The following CTNNA3 variants were observed in gnomAD, a reference collection of about 807,000 sequenced individuals.
CTNNA3 encodes the protein catenin alpha 3, also known as catenin alpha-3.
CTNNA3 carries 76 observed loss-of-function variants against 95.7 expected under a neutral mutation model. The ratio of observed to expected loss-of-function variants is 0.79; its 90% CI spans 0.66 to 0.96. CTNNA3 has a LOEUF of 0.96. Among genes scored for constraint, CTNNA3 ranks in the 40% least tolerant of loss-of-function variants. The probability of loss-of-function intolerance (pLI) is 0.00; values close to 1 mark genes in which losing one functional copy is unlikely to be tolerated. For missense variants in CTNNA3, 1,191 were observed against 1,089.8 expected (o/e 1.09, Z -1.31); for synonymous variants, 431 against 374.4 (o/e 1.15, Z -1.74).
At chr10:66,109,450 G>A (rs370088567) in intron 13 of CTNNA3, among the ~76,000 whole-genome samples, 3 of 152,110 alleles carry the variant, frequency 2.0e-5, no homozygotes, top group East Asian at 3.9e-4. Flanking sequence ...ACCCTCTCAA[G>A]TCATGAGATA....
At chr10:66,414,065 C>G (rs1241832719) in intron 11 of CTNNA3, among the ~76,000 whole-genome samples, 1 of 152,000 alleles carries the variant, frequency 6.6e-6, no homozygotes, top group African/African-American at 2.4e-5. Flanking sequence ...TTTTATTCTC[C>G]TAAATTTATT....
At chr10:66,100,703 A>G (rs1333253870) in intron 14 of CTNNA3, among the ~76,000 whole-genome samples, 1 of 152,198 alleles carries the variant, frequency 6.6e-6, no homozygotes, top group East Asian at 1.9e-4. Flanking sequence ...GTAACCTATA[A>G]TGGGCAGCCA....
At chr10:66,015,142 CT>C (rs925107432) in intron 15 of CTNNA3, among the ~76,000 whole-genome samples, 1 of 149,134 alleles carries the variant, frequency 6.7e-6, no homozygotes, top group Non-Finnish European at 1.5e-5. Flanking sequence ...ATAAAATAAA[CT>C]TTTTGATTTA....
intron 16 of CTNNA3, among the ~76,000 whole-genome samples, chr10:65,976,841 C>T (rs2078216203): frequency 6.6e-6 from 1 of 151,836 alleles, no homozygotes. Flanking sequence ...CTATTGAGTT[C>T]TGCATGTTTC....
At chr10:66,182,295 G>C (rs2086085529) in intron 13 of CTNNA3, among the ~76,000 whole-genome samples, 2 of 141,932 alleles carry the variant, frequency 1.4e-5, no homozygotes, top group Admixed American at 7.6e-5. Flanking sequence ...TCGCTCTATC[G>C]CCCAGGCTGG....
intron 5 of CTNNA3, among the ~76,000 whole-genome samples, chr10:67,409,498 C>G (rs1845283076): frequency 6.6e-6 from 1 of 151,908 alleles, no homozygotes; most frequent in South Asian, 2.1e-4. Context: ...GAAAACGAAA[C>G]ACCATATGCT....
intron 2 of CTNNA3, among the ~76,000 whole-genome samples, chr10:67,625,182 C>G (rs1021904510): frequency 5.3e-5 from 8 of 152,162 alleles, no homozygotes; most frequent in African/African-American, 1.9e-4. Context: ...CAAAGTTTTT[C>G]TTAAATAAGA....
chr10:65,990,096 TAC>T (rs377426492), intron 15 of CTNNA3, among the ~76,000 whole-genome samples: 45 of 147,516 alleles, frequency 3.1e-4, no homozygotes, highest in African/African-American at 1.1e-3. Context: ...TGTGTGTGTA[TAC>T]ACACACACAC....
chr10:66,274,025 T>C (rs2091337743), intron 13 of CTNNA3, among the ~76,000 whole-genome samples: 1 of 151,772 alleles, frequency 6.6e-6, no homozygotes, highest in African/African-American at 2.4e-5. Context: ...AATAAAAAGG[T>C]GAGTGGATTC....
intron 7 of CTNNA3, among the ~76,000 whole-genome samples, chr10:66,866,107 G>A (rs1844165503): frequency 6.6e-6 from 1 of 152,264 alleles, no homozygotes; most frequent in South Asian, 2.1e-4. Flanking sequence ...AGAAAATGAT[G>A]TCCTGGGAAT....
In CTNNA3 at chr10:66,783,766, T is replaced by C. The variant is rs77835842; in HGVS notation, c.1048-8242A>G. Among the ~76,000 whole-genome samples the C allele has an allele frequency of 4.2e-3, 635 of 152,284 alleles. 2 individuals are homozygous for C. The highest frequency in any genetic ancestry group is 6.8e-3 in the Non-Finnish European group (464 of 68,026). ...GCTTTTAAATAGAATCACCATTTTC[T>C]GGCAATTTTTCTGTCTCCACCATGT... On this transcript the variant is annotated intron_variant, in intron 7 of 17. Coordinates refer to ENST00000433211, the MANE Select transcript of CTNNA3 (RefSeq NM_013266.4).
intron 13 of CTNNA3, among the ~76,000 whole-genome samples, chr10:66,117,937 C>G (rs78154296): frequency 0.048 from 7,272 of 152,238 alleles, 219 homozygotes; most frequent in African/African-American, 0.065. Context: ...TGCCCGCCTT[C>G]TAAAGCAGCC....
chr10:65,946,560 C>A (rs1375119896), intron 17 of CTNNA3, among the ~76,000 whole-genome samples: 2 of 152,092 alleles, frequency 1.3e-5, no homozygotes, highest in Non-Finnish European at 2.9e-5. Flanking sequence ...AAAAACATCA[C>A]CTTGCATTCT....
chr10:66,617,678 C>G (rs1319497078), intron 10 of CTNNA3, among the ~76,000 whole-genome samples: 2 of 152,086 alleles, frequency 1.3e-5, no homozygotes, highest in African/African-American at 2.4e-5. Flanking sequence ...TCTCACCACT[C>G]CTATTCAACA....
intron 9 of CTNNA3, among the ~76,000 whole-genome samples, chr10:66,730,105 G>GA (rs71035172): frequency 0.62 from 82,902 of 133,964 alleles, 25,683 homozygotes; most frequent in East Asian, 0.87. Flanking sequence ...TACTCTGTCT[G>GA]AAAAAAAAAA....
intron 7 of CTNNA3, among the ~76,000 whole-genome samples, chr10:67,167,606 G>A (rs1475499356): frequency 6.6e-6 from 1 of 152,174 alleles, no homozygotes; most frequent in Non-Finnish European, 1.5e-5. Flanking sequence ...CATGCCAGAG[G>A]AGAATTTGCA....
intron 7 of CTNNA3, among the ~76,000 whole-genome samples, chr10:67,117,966 G>A (rs1859270118): frequency 6.6e-6 from 1 of 151,908 alleles, no homozygotes. Context: ...CGATTCAAGA[G>A]CAATTATTTA....
intron 11 of CTNNA3, among the ~76,000 whole-genome samples, chr10:66,506,042 A>G (rs1016454165): frequency 6.6e-6 from 1 of 152,152 alleles, no homozygotes; most frequent in African/African-American, 2.4e-5. Flanking sequence ...CTCATGGCAG[A>G]AGGTGATGGG....
chr10:67,593,964 T>A (rs772250491), intron 3 of CTNNA3, among the ~76,000 whole-genome samples: 1 of 152,206 alleles, frequency 6.6e-6, no homozygotes. Context: ...GTTTTTAAAC[T>A]GAAAGGATGT....
Sources: gnomAD v4.1 joint callset for allele counts (sites outside exome capture counted in the v4.1 genomes callset) on GRCh38, gnomAD v4.1.1 for gene constraint, MANE v1.5 for transcripts, NCBI Gene and HGNC (gene_info 2026-07-23, HGNC 2026-07-21) for gene names.